Variants in FAM83A observed in about 807,000 individuals in gnomAD.
The protein encoded by FAM83A is protein FAM83A.
Under a neutral mutation model 24.4 loss-of-function variants are expected in FAM83A, and 21 were observed. The ratio of observed to expected loss-of-function variants is 0.86; its 90% CI spans 0.61 to 1.24. FAM83A has a LOEUF of 1.24. Ranked by LOEUF, FAM83A falls within the 50% of genes most tolerant of loss-of-function variation. FAM83A has a pLI of 0.00. For missense variants in FAM83A, 617 were observed against 579.8 expected, an observed-to-expected ratio of 1.06 and a Z score of -0.66; for synonymous variants, 270 against 252.4, an observed-to-expected ratio of 1.07 and a Z score of -0.66.
In FAM83A at chr8:123,207,291, G is replaced by A. The variant is rs756535027; in HGVS notation, c.908G>A (p.Arg303Gln). ...CCTGTGATGGGCCTGAAGTCCCCGC[G>A]GCTGGTCGCCCCCGTCCCGCCCGGA... is the stretch of plus-strand genomic sequence containing the variant. Residue 303 changes from arginine (R) to glutamine (Q), a missense_variant, in exon 4 of 4, where the codon CGG (arginine) becomes CAG (glutamine). By Grantham distance (43) the Arg-to-Gln change is conservative. Transcript: ENST00000690554. 1.1e-5 allele frequency: 18 copies of A among 1,612,312 alleles called. No individual in the cohort carries two copies. The South Asian group carries it at 1.9e-4, about 17-fold the overall frequency.
chr8:123,181,921 C>A (rs1823607501), upstream of FAM83A: 3 of 417,166 alleles, frequency 7.2e-6, no homozygotes, highest in South Asian at 3.4e-5. Flanking sequence ...GGGTTCTAGG[C>A]AGTCCATCCC....
Position 123,209,509 on chromosome 8 carries a change from C to G in FAM83A, c.*1821C>G, listed in dbSNP as rs966652865. Reference sequence around the variant, plus strand: ...GATGGCTTTCTGAACCCAGCCCTGACCTTGTTGTTTCACAGCTGACGGCTG... The same window carrying G: ...GATGGCTTTCTGAACCCAGCCCTGAGCTTGTTGTTTCACAGCTGACGGCTG... On this transcript the variant is annotated 3_prime_UTR_variant, in exon 4 of 4. Transcript: ENST00000690554. The surrounding 1 kb of genome is among the most constrained non-coding windows in gnomAD (Gnocchi z 4.7). The G allele has an allele frequency of 1.9e-6, 3 of 1,614,084 alleles. No homozygotes were observed. Among genetic ancestry groups the G allele is most frequent in the Non-Finnish European group, 2.5e-6 (3 of 1,180,052 alleles).
chr8:123,208,102 C>G, exon 4 of FAM83A: 1 of 1,008,792 alleles, frequency 9.9e-7, no homozygotes, highest in Middle Eastern at 5.0e-4. Context: ...ACTTCTGGTT[C>G]CCAGTGCCCA....
In FAM83A at chr8:123,209,183, GT is replaced by G; in HGVS notation, c.*1500del. ...TTCTAGGCCCTCTCCTCCCTTGTCGGTTTTTGGCGGGGAAGCTCAGCCTTCG... is the reference window on the plus strand; with the variant it reads ...TTCTAGGCCCTCTCCTCCCTTGTCGGTTTTGGCGGGGAAGCTCAGCCTTCG... On this transcript the variant is annotated 3_prime_UTR_variant, in exon 4 of 4. Coordinates refer to ENST00000690554, the Ensembl canonical transcript of FAM83A. The surrounding 1 kb of genome is among the most constrained non-coding windows in gnomAD (Gnocchi z 4.7). The G allele has an allele frequency of 6.1e-6, 7 of 1,139,752 alleles. No individual in the cohort carries two copies. Among genetic ancestry groups the G allele is most frequent in the East Asian group, 9.2e-5 (2 of 21,632 alleles). 70.6% of individuals were successfully genotyped at this position (1,139,752 alleles called of 1,614,324 possible).
intron 3 of FAM83A, among the ~76,000 whole-genome samples, chr8:123,200,998 A>C (rs1824338640): frequency 6.8e-6 from 1 of 147,102 alleles, no homozygotes; most frequent in African/African-American, 2.6e-5. Flanking sequence ...CATATATACA[A>C]AAAAAAAATT....
exon 1 of FAM83A, chr8:123,182,761 G>A (rs190150841): frequency 1.6e-5 from 24 of 1,488,598 alleles, no homozygotes; most frequent in South Asian, 1.4e-4. Context: ...CCGGGGGTGC[G>A]GGAGCCCCAC....
chr8:123,189,768 A>G (rs1459423461), intron 1 of FAM83A, among the ~76,000 whole-genome samples: 4 of 152,130 alleles, frequency 2.6e-5, no homozygotes, highest in Non-Finnish European at 5.9e-5. Flanking sequence ...TACATCTATT[A>G]ATTGATGTCT....
rs776561330 is a variant in FAM83A at position 123,209,515 on chromosome 8, T to G, written c.*1827T>G. Reference sequence around the variant, plus strand: ...TTTCTGAACCCAGCCCTGACCTTGTTGTTTCACAGCTGACGGCTGAGATGA... The same window carrying G: ...TTTCTGAACCCAGCCCTGACCTTGTGGTTTCACAGCTGACGGCTGAGATGA... On this transcript the variant is annotated 3_prime_UTR_variant, in exon 4 of 4. Transcript: ENST00000690554. This position sits in a 1 kb window ranked among gnomAD's most constrained non-coding sequence, Gnocchi z 4.7. The G allele has an allele frequency of 3.7e-6, 6 of 1,614,208 alleles. No individual in the cohort carries two copies. The Admixed American group carries it at 1.0e-4, about 27-fold the overall frequency.
chr8:123,208,932 C>A, exon 4 of FAM83A: 1 of 984,138 alleles, frequency 1.0e-6, no homozygotes, highest in Non-Finnish European at 1.2e-6. Context: ...TCACTGCACT[C>A]CAGCATGGGC....
intron 1 of FAM83A, among the ~76,000 whole-genome samples, chr8:123,185,025 G>A (rs775446196): frequency 7.2e-5 from 11 of 152,182 alleles, no homozygotes; most frequent in Admixed American, 4.6e-4. Context: ...AAATTTAGTC[G>A]AAGGTAACAA....
chr8:123,192,669 G>A (rs1445389298), intron 2 of FAM83A, among the ~76,000 whole-genome samples: 1 of 152,132 alleles, frequency 6.6e-6, no homozygotes, highest in Non-Finnish European at 1.5e-5. Context: ...GGCAAGAGAG[G>A]TTCTGTCCTC....
chr8:123,195,219 G>A (rs1171747820), intron 3 of FAM83A, among the ~76,000 whole-genome samples: 1 of 152,176 alleles, frequency 6.6e-6, no homozygotes, highest in African/African-American at 2.4e-5. Flanking sequence ...ACACATAGTA[G>A]TGACCAGTGA....
chr8:123,185,789 C>T (rs1823770369), intron 1 of FAM83A, among the ~76,000 whole-genome samples: 1 of 152,084 alleles, frequency 6.6e-6, no homozygotes, highest in Admixed American at 6.5e-5. Flanking sequence ...TCAAACAATT[C>T]ACAGTTTTAA....
chr8:123,183,311 G>A (rs150905704), exon 1 of FAM83A: 29 of 1,612,658 alleles, frequency 1.8e-5, no homozygotes, highest in East Asian at 6.7e-5. Flanking sequence ...GACCTCGTCC[G>A]CCGCTGCATC....
At chr8:123,185,684 G>T (rs1823767923) in intron 1 of FAM83A, among the ~76,000 whole-genome samples, 3 of 152,138 alleles carry the variant, frequency 2.0e-5, no homozygotes, top group Admixed American at 1.3e-4. Flanking sequence ...GACCCTCAGG[G>T]GTTCACCCGT....
chr8:123,195,423 A>G (rs1275429104), intron 3 of FAM83A, among the ~76,000 whole-genome samples: 1 of 152,172 alleles, frequency 6.6e-6, no homozygotes, highest in Admixed American at 6.5e-5. Flanking sequence ...AAAAACCCCT[A>G]CATTTAAAAT....
intron 1 of FAM83A, among the ~76,000 whole-genome samples, chr8:123,187,265 C>A (rs565541730): frequency 1.3e-5 from 2 of 152,248 alleles, no homozygotes; most frequent in East Asian, 3.9e-4. Context: ...CTGAGAGCAG[C>A]GGTTCCCAAA....
chr8:123,200,587 G>A (rs959828769), intron 3 of FAM83A, among the ~76,000 whole-genome samples: 3 of 151,972 alleles, frequency 2.0e-5, no homozygotes, highest in Non-Finnish European at 2.9e-5. Context: ...GAGGCTGAGC[G>A]GGGTGGGTCA....
chr8:123,204,197 G>T (rs1824462144), intron 3 of FAM83A, among the ~76,000 whole-genome samples: 1 of 151,988 alleles, frequency 6.6e-6, no homozygotes, highest in Non-Finnish European at 1.5e-5. Flanking sequence ...AGGATCACTT[G>T]AAGCCAGGAG....
Sources: gnomAD v4.1 joint callset for allele counts (sites outside exome capture counted in the v4.1 genomes callset) on GRCh38, gnomAD v4.1.1 for gene constraint, Gnocchi (gnomAD v3.1) non-coding constraint, MANE v1.5 for transcripts, NCBI Gene and HGNC (gene_info 2026-07-23, HGNC 2026-07-21) for gene names.